The following C4orf36 variants were observed in gnomAD, a reference collection of about 807,000 sequenced individuals.
The protein encoded by C4orf36 is uncharacterized protein C4orf36.
Under a neutral mutation model 12.2 loss-of-function variants are expected in C4orf36, and 11 were observed. That is an observed-to-expected ratio of 0.90 (90% confidence interval 0.57 to 1.49). The LOEUF (loss-of-function observed/expected upper bound fraction) is 1.49, where lower values mean the gene tolerates loss of function less well. Among genes scored for constraint, C4orf36 ranks in the 40% most tolerant of loss-of-function variants. The pLI, the probability that C4orf36 is intolerant of heterozygous loss-of-function variation, is 0.00. For missense variants in C4orf36, 137 were observed against 133.9 expected, an observed-to-expected ratio of 1.02 and a Z score of -0.11; for synonymous variants, 54 against 51.3, an observed-to-expected ratio of 1.05 and a Z score of -0.22.
the C4orf36 span, among the ~76,000 whole-genome samples, chr4:86,917,371 G>A: frequency 7.0e-6 from 1 of 143,444 alleles, no homozygotes; most frequent in Non-Finnish European, 1.5e-5. Flanking sequence ...AAGGATGGAA[G>A]GAAGGAAGGA....
the C4orf36 span, chr4:86,924,640 G>C: frequency 6.6e-6 from 1 of 152,234 alleles, no homozygotes; most frequent in African/African-American, 2.4e-5. Flanking sequence ...ACCACACCCA[G>C]CCTCTGATAT....
At chr4:86,905,405 A>G in the C4orf36 span, among the ~76,000 whole-genome samples, 1 of 151,778 alleles carries the variant, frequency 6.6e-6, no homozygotes, top group African/African-American at 2.4e-5. Context: ...TAAATAAAAT[A>G]GCCAGATGTG....
chr4:86,913,908 G>C, the C4orf36 span: 1 of 1,213,432 alleles, frequency 8.2e-7, no homozygotes, highest in Non-Finnish European at 1.2e-6. Flanking sequence ...GGCTCACTAC[G>C]AACTCTCCCG....
At chr4:86,901,234 G>A in the C4orf36 span, among the ~76,000 whole-genome samples, 187 of 151,410 alleles carry the variant, frequency 1.2e-3, no homozygotes, top group African/African-American at 4.3e-3. Context: ...CACCTGCCTC[G>A]GCCTCCCAAA....
At chr4:86,900,925 AG>A in the C4orf36 span, among the ~76,000 whole-genome samples, 2 of 151,854 alleles carry the variant, frequency 1.3e-5, no homozygotes, top group East Asian at 3.9e-4. Context: ...AACACAGCAG[AG>A]TGAGCTGTTC....
the C4orf36 span, chr4:86,913,506 A>G: frequency 4.9e-6 from 4 of 814,734 alleles, no homozygotes; most frequent in Admixed American, 5.4e-5. Context: ...TGGAACGTCC[A>G]ACCTGGAGAT....
upstream of C4orf36, among the ~76,000 whole-genome samples, chr4:86,895,022 T>A (rs2149425897): frequency 6.6e-6 from 1 of 152,260 alleles, no homozygotes; most frequent in Admixed American, 6.5e-5. Context: ...ATAATAACTG[T>A]TCATCATAGT....
At chr4:86,927,483 T>G in the C4orf36 span, among the ~76,000 whole-genome samples, 1 of 151,928 alleles carries the variant, frequency 6.6e-6, no homozygotes, top group African/African-American at 2.4e-5. Context: ...AAAAGTGAAG[T>G]CAGAAAGACT....
At chr4:86,934,837 C>T in the C4orf36 span, 2 of 152,252 alleles carry the variant, frequency 1.3e-5, no homozygotes, top group Non-Finnish European at 2.9e-5. Context: ...CCACGATCCT[C>T]CCACCAATCC....
At chr4:86,899,522 C>T in the C4orf36 span, among the ~76,000 whole-genome samples, 1 of 151,974 alleles carries the variant, frequency 6.6e-6, no homozygotes, top group South Asian at 2.1e-4. Context: ...TCTGGTATTC[C>T]ATTCTAAATT....
rs769044270 is a variant in C4orf36 at position 86,888,202 on chromosome 4, A to C, written c.139T>G (p.Leu47Val). ...TNLANIKLPF[L>V]EEISFGGSVQ... ...GAACCACCAAATGAAATTTCTTCCA[A>C]GAAAGGCAACTTGATATTGGCTAGG... Residue 47 changes from leucine to valine, a missense_variant, in exon 3 of 5, where the codon TTG becomes GTG. Physicochemically the swap from Leu to Val is conservative, Grantham distance 32 (BLOSUM62 1). Transcript: ENST00000295898. 1.2e-6 allele frequency: 2 copies of C among 1,614,196 alleles called. No individual in the cohort carries two copies. Among genetic ancestry groups the C allele is most frequent in the Non-Finnish European group, 1.7e-6 (2 of 1,180,022 alleles).
the C4orf36 span, chr4:86,914,178 G>T: frequency 1.3e-6 from 2 of 1,591,018 alleles, no homozygotes; most frequent in Non-Finnish European, 1.7e-6. Context: ...CCCTAGTGGG[G>T]ACTACTTCAC....
At chr4:86,927,785 G>A in the C4orf36 span, among the ~76,000 whole-genome samples, 1 of 130,116 alleles carries the variant, frequency 7.7e-6, no homozygotes, top group Non-Finnish European at 1.6e-5. Flanking sequence ...GGCAACAAGA[G>A]CGAGGCTCCA....
At chr4:86,904,076 C>T in the C4orf36 span, among the ~76,000 whole-genome samples, 1 of 152,266 alleles carries the variant, frequency 6.6e-6, no homozygotes, top group Non-Finnish European at 1.5e-5. Flanking sequence ...AGAAGCCCAG[C>T]CAGCTTCACC....
chr4:86,878,658 G>A (rs1198853311), intron 4 of C4orf36, among the ~76,000 whole-genome samples: 7 of 152,284 alleles, frequency 4.6e-5, no homozygotes, highest in African/African-American at 1.7e-4. Context: ...TTTTCCTCAG[G>A]AGTGAAAGAG....
chr4:86,934,009 AAG>A, the C4orf36 span, among the ~76,000 whole-genome samples: 1 of 152,244 alleles, frequency 6.6e-6, no homozygotes, highest in Non-Finnish European at 1.5e-5. Context: ...TGGACAATAA[AAG>A]AGTTGAGCAG....
chr4:86,904,643 C>T, the C4orf36 span, among the ~76,000 whole-genome samples: 2 of 151,388 alleles, frequency 1.3e-5, no homozygotes, highest in African/African-American at 2.4e-5. Context: ...CCTGTAGTCC[C>T]GCCTACTCAA....
chr4:86,880,249 G>A (rs1303766388), intron 4 of C4orf36, among the ~76,000 whole-genome samples: 2 of 152,146 alleles, frequency 1.3e-5, no homozygotes, highest in Admixed American at 1.3e-4. Context: ...AAGGTGAACA[G>A]ATCAGTTGAG....
intron 2 of C4orf36, chr4:86,890,114 C>T (rs1307270425): frequency 2.2e-6 from 1 of 451,100 alleles, no homozygotes; most frequent in Non-Finnish European, 4.4e-6. Flanking sequence ...ATCACTCAAG[C>T]CCAGGAGGTG....
Sources: gnomAD v4.1 joint callset for allele counts (sites outside exome capture counted in the v4.1 genomes callset) on GRCh38, gnomAD v4.1.1 for gene constraint, MANE v1.5 for transcripts, NCBI Gene and HGNC (gene_info 2026-07-23, HGNC 2026-07-21) for gene names.